The following BOC variants were observed in gnomAD, a reference collection of about 807,000 sequenced individuals.
BOC encodes the protein BOC cell adhesion associated, oncogene regulated.
In BOC, 76 loss-of-function variants were observed where a neutral mutation model predicts 112.0. That is an observed-to-expected ratio of 0.68 (90% CI 0.56 to 0.82). The LOEUF is 0.82. Ranked by LOEUF, BOC falls within the 40% of genes least tolerant of loss-of-function variation. The pLI, the probability that BOC is intolerant of heterozygous loss-of-function variation, is 0.00. For missense variants in BOC, 1,309 were observed against 1,511.7 expected, an observed-to-expected ratio of 0.87 and a Z score of 2.22; for synonymous variants, 580 against 599.8, an observed-to-expected ratio of 0.97 and a Z score of 0.48.
intron 4 of BOC, among the ~76,000 whole-genome samples, chr3:113,263,551 G>A (rs1947127023): frequency 6.6e-6 from 1 of 152,224 alleles, no homozygotes; most frequent in African/African-American, 2.4e-5. Flanking sequence ...TCCCTTGGAA[G>A]TGATTGATAG....
Position 113,278,724 on chromosome 3 carries a change from G to T in BOC, c.1757G>T (p.Arg586Ile). 6.4e-7 allele frequency: 1 copy of T among 1,569,406 alleles called. No homozygotes were observed. Among genetic ancestry groups the T allele is most frequent in the East Asian group, 2.4e-5 (1 of 42,236 alleles). The change falls in exon 11 of 20, where the codon AGA becomes ATA. Residue 586 changes from arginine to isoleucine, a missense_variant. Arg to Ile is a moderately conservative substitution (Grantham distance 97). Transcript: ENST00000682979. The surrounding 1 kb of genome is among the most constrained non-coding windows in gnomAD (Gnocchi z 4.2). ...IMASKEQQIQ[R>I]DDPGASPQSS... ...GCCAGCAAAGAGCAGCAGATCCAGA[G>T]AGACGACCCTGGAGCCAGTCCCCAG...
At position 113,283,541 on chromosome 3, in the gene BOC, C is replaced by T. The variant is rs781065873; in HGVS notation, c.2565C>T (p.Pro855=). Residue 855 remains proline (P), a synonymous_variant, in exon 16 of 20, where the codon CCC becomes CCT. Transcript: ENST00000682979. ...GAMVARSSDL[P]YLIVGVVLGS... ...TGGTGGCTCGCTCCAGCGACCTGCC[C>T]TATCTGATTGTCGGGGTCGTCCTGG... 6 of 1,613,854 alleles carry T rather than the reference C, an allele frequency of 3.7e-6. No homozygotes were observed. In the South Asian group the frequency reaches 5.5e-5, roughly 15 times the overall value.
intron 6 of BOC, chr3:113,272,132 GCA>G (rs1948186058): frequency 5.9e-6 from 3 of 512,704 alleles, no homozygotes; most frequent in Non-Finnish European, 1.0e-5. Flanking sequence ...CTCTTTGCCA[GCA>G]CACAGTTAAC....
intron 2 of BOC, among the ~76,000 whole-genome samples, chr3:113,238,877 C>T (rs146713802): frequency 3.2e-4 from 49 of 152,312 alleles, no homozygotes; most frequent in African/African-American, 1.0e-3. Flanking sequence ...TCCCAGTTAC[C>T]TTTTACTGTT....
Position 113,283,325 on chromosome 3 carries a change from T to A in BOC, c.2435-86T>A, listed in dbSNP as rs565148226. On this transcript the variant is annotated intron_variant, in intron 15 of 19. Coordinates refer to ENST00000682979, the MANE Select transcript of BOC (RefSeq NM_001378074.1). ...AGTCTGACCCCATTTCCCAAACCCA[T>A]GGAATGGGGGTATTTTTTTTTCTAT... 1.1e-5 allele frequency: 15 copies of A among 1,364,056 alleles called. No homozygotes were observed. The South Asian group carries it at 2.1e-4, about 19-fold the overall frequency. 84.5% of individuals were successfully genotyped at this position (1,364,056 alleles called of 1,614,324 possible). A position where few individuals can be genotyped will look rare whatever the true frequency, so the allele number is the denominator to read the frequency against.
chr3:113,272,353 C>T, intron 6 of BOC, 57 bp from the exon 7 acceptor site: 4 of 1,568,434 alleles, frequency 2.6e-6, no homozygotes, highest in Non-Finnish European at 3.5e-6. Flanking sequence ...CCTGGGCATG[C>T]TCTACAGGAC....
chr3:113,254,661 T>C (rs1946036977), intron 4 of BOC, among the ~76,000 whole-genome samples: 1 of 152,220 alleles, frequency 6.6e-6, no homozygotes, highest in African/African-American at 2.4e-5. Context: ...ACACTCAGCA[T>C]GGTAGGCTTC....
At chr3:113,222,447 C>G (rs1368386213) in intron 2 of BOC, among the ~76,000 whole-genome samples, 1 of 152,068 alleles carries the variant, frequency 6.6e-6, no homozygotes, top group South Asian at 2.1e-4. Flanking sequence ...AGAGATGTCC[C>G]GAGAATGCTA....
At chr3:113,219,825 G>C (rs1412977379) in intron 2 of BOC, among the ~76,000 whole-genome samples, 2 of 152,196 alleles carry the variant, frequency 1.3e-5, no homozygotes, top group Admixed American at 6.5e-5. Flanking sequence ...GGCATAGCTG[G>C]TGTCAGACTT....
At chr3:113,277,442 G>A (rs4082653) in intron 9 of BOC, among the ~76,000 whole-genome samples, 1,944 of 152,296 alleles carry the variant, frequency 0.013, 46 homozygotes, top group African/African-American at 0.044. Context: ...GTGCAATGAT[G>A]GGCATGCTCT....
At chr3:113,215,379 T>G (rs928513960) in intron 1 of BOC, among the ~76,000 whole-genome samples, 2 of 152,006 alleles carry the variant, frequency 1.3e-5, no homozygotes, top group African/African-American at 2.4e-5. Flanking sequence ...TTTAGGAGGG[T>G]TAGGAAACTG....
In BOC at chr3:113,268,344, A is replaced by G; in HGVS notation, c.422A>G (p.Asp141Gly). ...GATGTGCAGCACGTGATTGAAGTGGATGAGGGAAACACAGCAGTCATTGCC... is the reference window on the plus strand; with the variant it reads ...GATGTGCAGCACGTGATTGAAGTGGGTGAGGGAAACACAGCAGTCATTGCC... ...KLDVQHVIEV[D>G]EGNTAVIACH... is the part of the protein sequence containing the mutation. Residue 141 changes from aspartate (D) to glycine (G), a missense_variant, in exon 5 of 20, where the codon GAT becomes GGT. Physicochemically the swap from Asp to Gly is moderately conservative, Grantham distance 94. Coordinates refer to ENST00000682979, the MANE Select transcript of BOC (RefSeq NM_001378074.1). 1 of 1,614,104 alleles carries G rather than the reference A, an allele frequency of 6.2e-7. No homozygotes were observed. Among genetic ancestry groups the G allele is most frequent in the East Asian group, 2.2e-5 (1 of 44,884 alleles).
chr3:113,232,196 T>A (rs1942723971), intron 2 of BOC, among the ~76,000 whole-genome samples: 1 of 152,150 alleles, frequency 6.6e-6, no homozygotes, highest in African/African-American at 2.4e-5. Context: ...CTGGCAAGGC[T>A]CCATGTGTTT....
chr3:113,256,223 C>G (rs1207476973), intron 4 of BOC, among the ~76,000 whole-genome samples: 1 of 152,192 alleles, frequency 6.6e-6, no homozygotes, highest in Non-Finnish European at 1.5e-5. Flanking sequence ...GGGAGTGACC[C>G]TTAGGAAGAC....
chr3:113,285,745 C>G (rs1172135709), intron 19 of BOC, among the ~76,000 whole-genome samples, 180 bp downstream of exon 19: 2 of 152,164 alleles, frequency 1.3e-5, no homozygotes, highest in East Asian at 3.8e-4. Flanking sequence ...TGCTGAAGGC[C>G]CAGTAGGTCT....
intron 2 of BOC, among the ~76,000 whole-genome samples, chr3:113,232,371 A>G (rs978676459): frequency 1.3e-5 from 2 of 152,232 alleles, no homozygotes; most frequent in Non-Finnish European, 2.9e-5. Context: ...TTTAAGTTTT[A>G]GGTGATTTAA....
chr3:113,228,216 A>C (rs1246578946), intron 2 of BOC, among the ~76,000 whole-genome samples: 1 of 152,192 alleles, frequency 6.6e-6, no homozygotes, highest in Non-Finnish European at 1.5e-5. Context: ...CCATCTGGAC[A>C]GGTATAAGTA....
chr3:113,256,181 G>A (rs1046704925), intron 4 of BOC, among the ~76,000 whole-genome samples: 2 of 152,130 alleles, frequency 1.3e-5, no homozygotes, highest in African/African-American at 2.4e-5. Flanking sequence ...TCTAAAGCCC[G>A]TGTCCAGCCC....
intron 2 of BOC, among the ~76,000 whole-genome samples, chr3:113,223,466 C>G (rs930519994): frequency 6.6e-6 from 1 of 152,100 alleles, no homozygotes; most frequent in East Asian, 1.9e-4. Context: ...AAGTAAAGTC[C>G]GTAGTTTACA....
Sources: gnomAD v4.1 joint callset for allele counts (sites outside exome capture counted in the v4.1 genomes callset) on GRCh38, gnomAD v4.1.1 for gene constraint, Gnocchi (gnomAD v3.1) non-coding constraint, MANE v1.5 for transcripts, NCBI Gene and HGNC (gene_info 2026-07-23, HGNC 2026-07-21) for gene names.